The following AFG2A variants were observed in gnomAD, a reference collection of about 807,000 sequenced individuals.
AFG2A encodes the protein ATPase family gene 2 protein homolog A.
At chr4:123,034,214 C>T in the AFG2A span, among the ~76,000 whole-genome samples, 1 of 152,018 alleles carries the variant, frequency 6.6e-6, no homozygotes, top group South Asian at 2.1e-4. Context: ...TCAGATTCCA[C>T]AGGCTGACTA....
the AFG2A span, among the ~76,000 whole-genome samples, chr4:123,115,190 G>C: frequency 6.6e-6 from 1 of 152,094 alleles, no homozygotes; most frequent in Non-Finnish European, 1.5e-5. Context: ...CTGTGGACCC[G>C]GCTCTCGGTG....
the AFG2A span, among the ~76,000 whole-genome samples, chr4:123,081,993 T>C: frequency 6.6e-6 from 1 of 152,210 alleles, no homozygotes; most frequent in East Asian, 1.9e-4. Context: ...TGTTTTCTTG[T>C]TGAGTTTTAA....
At chr4:123,083,007 T>C in the AFG2A span, among the ~76,000 whole-genome samples, 50 of 152,298 alleles carry the variant, frequency 3.3e-4, 1 homozygote, top group South Asian at 9.9e-3. Context: ...GTTAACCTTG[T>C]ATCCTGCAAC....
chr4:122,956,688 T>C, the AFG2A span, among the ~76,000 whole-genome samples: 1 of 152,208 alleles, frequency 6.6e-6, no homozygotes, highest in Non-Finnish European at 1.5e-5. Flanking sequence ...TGGAGTGCAG[T>C]GGCGTGATCT....
At chr4:123,268,647 T>C in the AFG2A span, among the ~76,000 whole-genome samples, 1 of 152,256 alleles carries the variant, frequency 6.6e-6, no homozygotes, top group South Asian at 2.1e-4. Context: ...CAACCTAGAG[T>C]TCTATATCTA....
the AFG2A span, among the ~76,000 whole-genome samples, chr4:122,973,364 T>A: frequency 6.6e-6 from 1 of 152,304 alleles, no homozygotes; most frequent in South Asian, 2.1e-4. Context: ...GTTGTCATTG[T>A]TTAAATTCAA....
At chr4:122,938,107 TTTAC>T in the AFG2A span, 1 of 1,568,334 alleles carries the variant, frequency 6.4e-7, no homozygotes, top group Non-Finnish European at 8.6e-7. Context: ...GAGATTTCAT[TTTAC>T]TTGTTTGTTT....
chr4:123,170,337 C>CAGT, the AFG2A span, among the ~76,000 whole-genome samples: 1 of 152,186 alleles, frequency 6.6e-6, no homozygotes, highest in Non-Finnish European at 1.5e-5. Flanking sequence ...GTTTTTCACG[C>CAGT]AGTAGCACAA....
At chr4:123,116,007 C>T in the AFG2A span, among the ~76,000 whole-genome samples, 2 of 152,068 alleles carry the variant, frequency 1.3e-5, no homozygotes, top group South Asian at 4.1e-4. Flanking sequence ...TCAGGTGATC[C>T]TCCTGCCTTA....
chr4:123,208,187 G>A, the AFG2A span, among the ~76,000 whole-genome samples: 2 of 152,156 alleles, frequency 1.3e-5, no homozygotes, highest in Non-Finnish European at 2.9e-5. Context: ...CCATTCAATG[G>A]GGAAATAATA....
At chr4:123,068,032 T>C in the AFG2A span, among the ~76,000 whole-genome samples, 1 of 152,208 alleles carries the variant, frequency 6.6e-6, no homozygotes, top group Admixed American at 6.5e-5. Context: ...GGCTTGACTT[T>C]TGAAAGGAAA....
the AFG2A span, among the ~76,000 whole-genome samples, chr4:123,307,368 G>C: frequency 2.0e-5 from 3 of 152,060 alleles, no homozygotes; most frequent in African/African-American, 7.2e-5. Flanking sequence ...CCTGGGTTCA[G>C]TGTAGATACA....
At chr4:123,055,864 G>C in the AFG2A span, among the ~76,000 whole-genome samples, 1 of 152,308 alleles carries the variant, frequency 6.6e-6, no homozygotes, top group South Asian at 2.1e-4. Context: ...ATAACTTCTT[G>C]TGGTGACTGT....
the AFG2A span, among the ~76,000 whole-genome samples, chr4:123,031,377 T>G: frequency 2.0e-5 from 3 of 152,184 alleles, no homozygotes; most frequent in African/African-American, 7.2e-5. Flanking sequence ...GGTCTCGAAC[T>G]CCTGAGCTCA....
At chr4:123,161,552 G>A in the AFG2A span, among the ~76,000 whole-genome samples, 1 of 152,004 alleles carries the variant, frequency 6.6e-6, no homozygotes, top group African/African-American at 2.4e-5. Flanking sequence ...TTTGAAGGAT[G>A]GTATCTTCTA....
the AFG2A span, among the ~76,000 whole-genome samples, chr4:123,207,116 T>C: frequency 6.6e-6 from 1 of 152,132 alleles, no homozygotes; most frequent in African/African-American, 2.4e-5. Context: ...AAATCATAAG[T>C]AGATGGTTAG....
the AFG2A span, among the ~76,000 whole-genome samples, chr4:123,067,598 T>C: frequency 5.9e-5 from 3 of 50,538 alleles, no homozygotes; most frequent in South Asian, 2.4e-3. Flanking sequence ...ATTTAAAATG[T>C]ATACTAGGAA....
chr4:123,171,786 C>T, the AFG2A span, among the ~76,000 whole-genome samples: 1 of 151,886 alleles, frequency 6.6e-6, no homozygotes, highest in South Asian at 2.1e-4. Flanking sequence ...AAATGCTTTT[C>T]TAATATTTTC....
the AFG2A span, among the ~76,000 whole-genome samples, chr4:123,148,939 T>C: frequency 6.6e-6 from 1 of 152,086 alleles, no homozygotes; most frequent in Admixed American, 6.6e-5. Flanking sequence ...CGGCTAATTT[T>C]TGTATTTTTA....
Sources: allele counts gnomAD v4.1 joint callset (sites outside exome capture counted in the v4.1 genomes callset), GRCh38; gene constraint gnomAD v4.1.1; transcripts MANE v1.5; gene names NCBI Gene and HGNC (gene_info 2026-07-23, HGNC 2026-07-21).